Variants in PPFIA2 observed in about 807,000 individuals in gnomAD.
The protein encoded by PPFIA2 is PPFI scaffold protein A2, also known as liprin-alpha-2.
PPFIA2 carries 46 observed loss-of-function variants against 175.5 expected under a neutral mutation model. The observed-to-expected ratio is 0.26, with a 90% CI of 0.21 to 0.34. PPFIA2 has a LOEUF of 0.34. PPFIA2 is among the 10% of genes least tolerant of loss of function. The pLI is 1.00. For missense variants in PPFIA2, 1,179 were observed against 1,506.1 expected (o/e 0.78, Z 3.60); for synonymous variants, 568 against 511.4 (o/e 1.11, Z -1.49).
chr12:81,439,734 C>A lies in PPFIA2; in HGVS notation c.645+238G>T, dbSNP rs886815401. 225 of 467,538 alleles carry A rather than the reference C, an allele frequency of 4.8e-4. 1 individual carries two copies. Among genetic ancestry groups the A allele is most frequent in the Non-Finnish European group, 5.9e-4 (160 of 270,118 alleles). The allele number at this position is 467,538 out of a possible 1,614,324, so 29.0% of individuals were successfully genotyped here. A position where few individuals can be genotyped will look rare whatever the true frequency, so the allele number is the denominator to read the frequency against. ...CTGTAGTCTTTCTAAATCTTCATCT[C>A]CCTAGCTCACATGTCACTAGCTTTT... On this transcript the variant is annotated intron_variant, in intron 7 of 32. Coordinates refer to ENST00000549396, the MANE Select transcript of PPFIA2 (RefSeq NM_003625.5).
intron 15 of PPFIA2, among the ~76,000 whole-genome samples, chr12:81,361,702 A>G (rs908239694): frequency 6.6e-6 from 1 of 151,584 alleles, no homozygotes; most frequent in Non-Finnish European, 1.5e-5. Flanking sequence ...TATATGCAAG[A>G]TAGTTTTTTA....
At position 81,367,104 on chromosome 12, in the gene PPFIA2, A is replaced by T; in HGVS notation, c.1545+4T>A. On this transcript the variant is annotated splice_donor_region_variant and intron_variant, in intron 14 of 32. Transcript: ENST00000549396. ...TGGGCCCAAAACATAAGTTTCCATTATACCTTATCATGTAAAGATTCTTCA... is the reference window on the plus strand; with the variant it reads ...TGGGCCCAAAACATAAGTTTCCATTTTACCTTATCATGTAAAGATTCTTCA... 1 of 1,460,474 alleles carries T rather than the reference A, an allele frequency of 6.8e-7. No homozygotes were observed. The highest frequency in any genetic ancestry group is 9.1e-7 in the Non-Finnish European group (1 of 1,099,668). 90.5% of individuals were successfully genotyped at this position (1,460,474 alleles called of 1,614,324 possible).
chr12:81,617,729 T>A (rs1451606356), intron 4 of PPFIA2, among the ~76,000 whole-genome samples: 1 of 152,206 alleles, frequency 6.6e-6, no homozygotes, highest in Non-Finnish European at 1.5e-5. Context: ...TCGTTGCAGT[T>A]CACAAAGCAT....
chr12:81,465,042 A>T (rs147261153), intron 4 of PPFIA2, among the ~76,000 whole-genome samples: 170 of 152,236 alleles, frequency 1.1e-3, no homozygotes, highest in African/African-American at 5.3e-4. Flanking sequence ...AAAGCTGGTT[A>T]GGAGAAGCTG....
intron 8 of PPFIA2, among the ~76,000 whole-genome samples, chr12:81,395,943 T>C (rs192918715): frequency 6.6e-6 from 1 of 152,178 alleles, no homozygotes; most frequent in East Asian, 1.9e-4. Flanking sequence ...TAATACATTG[T>C]AAATGGCAGT....
chr12:81,423,859 T>G (rs939030977), intron 7 of PPFIA2, among the ~76,000 whole-genome samples: 1 of 152,142 alleles, frequency 6.6e-6, no homozygotes, highest in African/African-American at 2.4e-5. Context: ...CTCACTGTTA[T>G]AACTAATATC....
At chr12:81,470,697 T>A (rs2056575979) in intron 4 of PPFIA2, among the ~76,000 whole-genome samples, 1 of 152,216 alleles carries the variant, frequency 6.6e-6, no homozygotes, top group Admixed American at 6.5e-5. Flanking sequence ...AATGAATTTT[T>A]AAAATGCATA....
rs1445607257 is a variant in PPFIA2 at position 81,441,326 on chromosome 12, A to G, written c.571-1280T>C. ...TATATTCAGATGAATGGATGCATTT[A>G]ATTCCTGAAATAGACCTTGAATCAG... On this transcript the variant is annotated intron_variant, in intron 6 of 32. Coordinates refer to ENST00000549396, the MANE Select transcript of PPFIA2 (RefSeq NM_003625.5). Among the ~76,000 whole-genome samples, 3 of 152,058 alleles carry G rather than the reference A, an allele frequency of 2.0e-5. No individual in the cohort carries two copies. In the East Asian group the frequency reaches 5.8e-4, roughly 29 times the overall value.
chr12:81,752,511 A>G (rs1185418928), intron 3 of PPFIA2, among the ~76,000 whole-genome samples: 1 of 152,224 alleles, frequency 6.6e-6, no homozygotes, highest in Non-Finnish European at 1.5e-5. Context: ...GGTACCAAGA[A>G]GTGAGAGTTA....
intron 27 of PPFIA2, among the ~76,000 whole-genome samples, chr12:81,277,991 G>A (rs1055162980): frequency 5.9e-5 from 9 of 152,152 alleles, no homozygotes; most frequent in Admixed American, 5.9e-4. Context: ...GATCCTTAAA[G>A]TATCAAGTAG....
chr12:81,755,693 T>C (rs916190242), intron 2 of PPFIA2, among the ~76,000 whole-genome samples: 1 of 152,148 alleles, frequency 6.6e-6, no homozygotes, highest in Non-Finnish European at 1.5e-5. Context: ...TGATAACCTA[T>C]ATTAAAAAAT....
At chr12:81,512,552 T>C (rs947177480) in intron 4 of PPFIA2, among the ~76,000 whole-genome samples, 3 of 152,114 alleles carry the variant, frequency 2.0e-5, no homozygotes, top group African/African-American at 7.2e-5. Flanking sequence ...TTATTTTTAT[T>C]TCAAAATATT....
intron 8 of PPFIA2, among the ~76,000 whole-genome samples, chr12:81,390,666 T>C (rs2039949859): frequency 6.6e-6 from 1 of 152,020 alleles, no homozygotes; most frequent in Non-Finnish European, 1.5e-5. Context: ...TTACATATAT[T>C]TTGATTCAAG....
At chr12:81,720,460 T>C (rs2153628564) in intron 3 of PPFIA2, among the ~76,000 whole-genome samples, 1 of 151,548 alleles carries the variant, frequency 6.6e-6, no homozygotes, top group Non-Finnish European at 1.5e-5. Flanking sequence ...CATCTGTCAC[T>C]TTCCCTGGTT....
intron 16 of PPFIA2, among the ~76,000 whole-genome samples, chr12:81,354,649 A>ATTT (rs201943714): frequency 1.8e-4 from 26 of 146,120 alleles, no homozygotes; most frequent in African/African-American, 6.0e-4. Flanking sequence ...ATTAAGGTTG[A>ATTT]TTTTTTTTTT....
intron 22 of PPFIA2, among the ~76,000 whole-genome samples, chr12:81,312,737 C>A (rs906932255): frequency 6.6e-6 from 1 of 152,134 alleles, no homozygotes; most frequent in Non-Finnish European, 1.5e-5. Context: ...AGATTCTGAT[C>A]TTCAATTTCC....
At chr12:81,591,891 T>G (rs1008289323) in intron 4 of PPFIA2, among the ~76,000 whole-genome samples, 1 of 151,870 alleles carries the variant, frequency 6.6e-6, no homozygotes, top group South Asian at 2.1e-4. Context: ...GGAACCACCA[T>G]TGCTTGCCTC....
At chr12:81,597,868 C>T in intron 4 of PPFIA2, 1 of 1,355,438 alleles carries the variant, frequency 7.4e-7, no homozygotes, top group African/African-American at 1.5e-5. Flanking sequence ...CTTTTTAAGT[C>T]TTTCTTCCTT....
intron 28 of PPFIA2, among the ~76,000 whole-genome samples, chr12:81,276,503 T>C (rs892334680): frequency 1.3e-5 from 2 of 152,186 alleles, no homozygotes; most frequent in Non-Finnish European, 2.9e-5. Context: ...GAACGGTCTC[T>C]AAGAATAGAA....
Sources: allele counts gnomAD v4.1 joint callset (sites outside exome capture counted in the v4.1 genomes callset), GRCh38; gene constraint gnomAD v4.1.1; transcripts MANE v1.5; gene names NCBI Gene and HGNC (gene_info 2026-07-23, HGNC 2026-07-21).